The following NR6A1 variants were observed in gnomAD, a reference collection of about 807,000 sequenced individuals.
NR6A1 encodes the protein nuclear receptor subfamily 6 group A member 1.
NR6A1 carries 7 observed loss-of-function variants against 59.1 expected under a neutral mutation model. The ratio of observed to expected loss-of-function variants is 0.12; its 90% CI spans 0.07 to 0.22. The LOEUF (loss-of-function observed/expected upper bound fraction) is 0.22, where lower values mean the gene tolerates loss of function less well. Among genes scored for constraint, NR6A1 ranks in the 10% least tolerant of loss-of-function variants. The probability of loss-of-function intolerance (pLI) is 1.00; values close to 1 mark genes in which losing one functional copy is unlikely to be tolerated. For synonymous variants in NR6A1, 243 were observed against 236.1 expected (o/e 1.03, Z -0.27); for missense variants, 468 against 611.6 (o/e 0.77, Z 2.48).
chr9:124,694,861 A>G (rs1265370150), intron 2 of NR6A1, among the ~76,000 whole-genome samples: 3 of 152,218 alleles, frequency 2.0e-5, no homozygotes, highest in African/African-American at 4.8e-5. Context: ...AGAACCAGAA[A>G]GAGAAATCAA....
intron 2 of NR6A1, among the ~76,000 whole-genome samples, chr9:124,563,401 CAG>C (rs1834135034): frequency 2.0e-5 from 3 of 152,204 alleles, no homozygotes; most frequent in Admixed American, 2.0e-4. Context: ...CCTAGCATTT[CAG>C]ACATACTAAT....
chr9:124,672,126 T>C (rs749841027), intron 2 of NR6A1, among the ~76,000 whole-genome samples: 2 of 152,208 alleles, frequency 1.3e-5, no homozygotes, highest in African/African-American at 4.8e-5. Flanking sequence ...CTGCGGCATG[T>C]TGTGATGGTG....
At chr9:124,524,993 C>A in intron 8 of NR6A1, 120 bp from the exon 9 acceptor site, 2 of 1,141,436 alleles carry the variant, frequency 1.8e-6, no homozygotes, top group East Asian at 5.2e-5. Context: ...AACATTGTCA[C>A]AACAGGAGAT....
At chr9:124,542,726 G>T (rs541550378) in intron 4 of NR6A1, among the ~76,000 whole-genome samples, 7 of 152,228 alleles carry the variant, frequency 4.6e-5, no homozygotes, top group Non-Finnish European at 7.4e-5. Context: ...AATTTTATTT[G>T]ATTTTTTGGT....
rs113936123 is a variant in NR6A1, at chr9:124,604,409, T to C, written c.143-49839A>G. Among the ~76,000 whole-genome samples the C allele has an allele frequency of 4.6e-3, 703 of 152,320 alleles. 6 individuals are homozygous for C. Among genetic ancestry groups the C allele is most frequent in the African/African-American group, 0.016 (658 of 41,554 alleles). ...TTCCTCCTCTTTGACTATACCCACATACAACCTGTCATAAATCCTGTCTTT... is the reference window on the plus strand; with the variant it reads ...TTCCTCCTCTTTGACTATACCCACACACAACCTGTCATAAATCCTGTCTTT... On this transcript the variant is annotated intron_variant, in intron 2 of 9. Transcript: ENST00000487099.
chr9:124,763,076 A>T (rs1409330093), intron 1 of NR6A1, among the ~76,000 whole-genome samples: 1 of 152,236 alleles, frequency 6.6e-6, no homozygotes, highest in Non-Finnish European at 1.5e-5. Flanking sequence ...GCTGGCTCAG[A>T]TCACAACATA....
At position 124,595,785 on chromosome 9, in the gene NR6A1, C is replaced by T. The variant is rs777921065; in HGVS notation, c.143-41215G>A. ...TCCATTTCATGCTTCTTGTAGTCTG[C>T]TGAAAAGTTCTATTGCAGCCATGAA... On this transcript the variant is annotated intron_variant, in intron 2 of 9. Coordinates refer to ENST00000487099, the MANE Select transcript of NR6A1 (RefSeq NM_033334.4). 3.1e-6 allele frequency: 4 copies of T among 1,289,604 alleles called. No individual in the cohort carries two copies. The South Asian group carries it at 4.9e-5, about 16-fold the overall frequency. The allele number at this position is 1,289,604 out of a possible 1,614,324, so 79.9% of individuals were successfully genotyped here.
chr9:124,546,400 A>G (rs549304969), intron 3 of NR6A1, among the ~76,000 whole-genome samples: 1 of 152,224 alleles, frequency 6.6e-6, no homozygotes, highest in Non-Finnish European at 1.5e-5. Flanking sequence ...GTGGAGAAAC[A>G]TAAGATACTT....
At chr9:124,591,184 C>A (rs895029849) in intron 2 of NR6A1, among the ~76,000 whole-genome samples, 1 of 152,220 alleles carries the variant, frequency 6.6e-6, no homozygotes, top group Non-Finnish European at 1.5e-5. Flanking sequence ...ATAGGCTCAC[C>A]CAAGAATTCT....
At chr9:124,690,752 C>G (rs150546041) in intron 2 of NR6A1, among the ~76,000 whole-genome samples, 1 of 151,838 alleles carries the variant, frequency 6.6e-6, no homozygotes, top group Non-Finnish European at 1.5e-5. Context: ...ATCCTTGCAC[C>G]GAGTATATAA....
intron 2 of NR6A1, among the ~76,000 whole-genome samples, chr9:124,702,388 G>A (rs1314544963): frequency 6.6e-6 from 1 of 152,088 alleles, no homozygotes; most frequent in Non-Finnish European, 1.5e-5. Context: ...AATTGCCTTG[G>A]TATCTTGGTC....
intron 2 of NR6A1, among the ~76,000 whole-genome samples, chr9:124,701,191 A>G (rs900758873): frequency 7.2e-5 from 11 of 152,190 alleles, no homozygotes; most frequent in African/African-American, 2.7e-4. Flanking sequence ...TTACATTACC[A>G]TTGTAACACG....
chr9:124,538,823 G>T (rs952087865), intron 5 of NR6A1, among the ~76,000 whole-genome samples: 2 of 151,472 alleles, frequency 1.3e-5, no homozygotes, highest in African/African-American at 4.9e-5. Flanking sequence ...TGGGATAAAA[G>T]CTTTAATTAA....
At position 124,524,685 on chromosome 9, in the gene NR6A1, A is replaced by C; in HGVS notation, c.1354+36T>G. The C allele has an allele frequency of 1.9e-6, 3 of 1,605,664 alleles. No individual in the cohort carries two copies. The South Asian group carries it at 3.3e-5, about 18-fold the overall frequency. The stretch of plus-strand genomic sequence containing the variant: ...ATTCCCTTCACAAGCTAAGAGAAGC[A>C]AGGAAGGGTTGGGAGCCCAAGACCC... On this transcript the variant is annotated intron_variant, in intron 9 of 9. Transcript: ENST00000487099.
At chr9:124,558,636 C>A (rs867073220) in intron 2 of NR6A1, among the ~76,000 whole-genome samples, 2 of 152,112 alleles carry the variant, frequency 1.3e-5, no homozygotes, top group Non-Finnish European at 1.5e-5. Flanking sequence ...AAACAAGGTG[C>A]CCTCAACATT....
intron 2 of NR6A1, among the ~76,000 whole-genome samples, chr9:124,663,293 T>G (rs760256063): frequency 6.6e-6 from 1 of 152,184 alleles, no homozygotes; most frequent in African/African-American, 2.4e-5. Flanking sequence ...CCCCCAAATC[T>G]ACCATCAAAT....
At chr9:124,660,105 T>C (rs1407578158) in intron 2 of NR6A1, among the ~76,000 whole-genome samples, 2 of 152,210 alleles carry the variant, frequency 1.3e-5, no homozygotes, top group African/African-American at 4.8e-5. Context: ...TCTGCATCTA[T>C]GCTATAAAGA....
chr9:124,547,991 A>T (rs1833650597), intron 3 of NR6A1, among the ~76,000 whole-genome samples: 1 of 152,168 alleles, frequency 6.6e-6, no homozygotes, highest in African/African-American at 2.4e-5. Context: ...CCTGATTTTG[A>T]TAACAGTACT....
At chr9:124,673,591 T>A (rs1174929886) in intron 2 of NR6A1, among the ~76,000 whole-genome samples, 1 of 152,162 alleles carries the variant, frequency 6.6e-6, no homozygotes, top group Non-Finnish European at 1.5e-5. Flanking sequence ...TGCCCCACTA[T>A]GACTTTTAGG....
Sources: allele counts gnomAD v4.1 joint callset (sites outside exome capture counted in the v4.1 genomes callset), GRCh38; gene constraint gnomAD v4.1.1; transcripts MANE v1.5; gene names NCBI Gene and HGNC (gene_info 2026-07-23, HGNC 2026-07-21).